Variants in ARMH3 observed in about 807,000 individuals in gnomAD.
ARMH3 encodes armadillo like helical domain containing 3.
Under a neutral mutation model 99.1 loss-of-function variants are expected in ARMH3, and 60 were observed. The ratio of observed to expected loss-of-function variants is 0.61; its 90% CI spans 0.49 to 0.75. The LOEUF (loss-of-function observed/expected upper bound fraction) is 0.75, where lower values mean the gene tolerates loss of function less well. Among genes scored for constraint, ARMH3 ranks in the 30% least tolerant of loss-of-function variants. The probability of loss-of-function intolerance (pLI) is 0.00; values close to 1 mark genes in which losing one functional copy is unlikely to be tolerated. For missense variants in ARMH3, 679 were observed against 843.1 expected (o/e 0.81, Z 2.41); for synonymous variants, 285 against 292.8 (o/e 0.97, Z 0.27).
At chr10:101,906,127 A>C (rs2068096849) in intron 23 of ARMH3, among the ~76,000 whole-genome samples, 1 of 152,234 alleles carries the variant, frequency 6.6e-6, no homozygotes, top group South Asian at 2.1e-4. Flanking sequence ...TTCATTGTAT[A>C]AATATACCAC....
At chr10:101,848,176 C>T (rs2135245497) in intron 25 of ARMH3, among the ~76,000 whole-genome samples, 1 of 152,298 alleles carries the variant, frequency 6.6e-6, no homozygotes, top group South Asian at 2.1e-4. Flanking sequence ...GGTGACATTG[C>T]TAGTGAGTCC....
chr10:102,007,159 C>CAAAAAAAAAAAAAAAAAAAAAAAAAAAA (rs10639768), intron 13 of ARMH3, among the ~76,000 whole-genome samples: 1 of 60,054 alleles, frequency 1.7e-5, no homozygotes, highest in Admixed American at 2.5e-4. Flanking sequence ...GACTCTATCT[C>CAAAAAAAAAAAAAAAAAAAAAAAAAAAA]AAAAAAAAAA....
intron 23 of ARMH3, among the ~76,000 whole-genome samples, chr10:101,911,373 T>G (rs1198325307): frequency 2.0e-5 from 3 of 152,072 alleles, no homozygotes; most frequent in African/African-American, 7.2e-5. Context: ...GAGCAGGAAG[T>G]GTAGATGATA....
chr10:101,873,862 A>C (rs557723250), intron 24 of ARMH3, among the ~76,000 whole-genome samples: 10 of 152,282 alleles, frequency 6.6e-5, no homozygotes, highest in African/African-American at 2.2e-4. Flanking sequence ...TGAATGAATC[A>C]CACTTTGTTT....
intron 23 of ARMH3, among the ~76,000 whole-genome samples, chr10:101,912,501 C>G (rs1232101723): frequency 6.6e-6 from 1 of 151,758 alleles, no homozygotes; most frequent in East Asian, 1.9e-4. Flanking sequence ...GATACCATTT[C>G]TGATTGATTT....
At chr10:101,862,553 G>A (rs1033380448) in intron 24 of ARMH3, among the ~76,000 whole-genome samples, 1 of 151,996 alleles carries the variant, frequency 6.6e-6, no homozygotes, top group Non-Finnish European at 1.5e-5. Context: ...CTCCAGACCT[G>A]GCAACAGAGT....
Position 101,862,608 on chromosome 10 carries a change from T to C in ARMH3, c.1861-12716A>G, listed in dbSNP as rs114204232. ...TAAATAACATGAAGGTACACTGTGATAAGTTAAAGATGTATATTGTAAGCC... is the reference window on the plus strand; with the variant it reads ...TAAATAACATGAAGGTACACTGTGACAAGTTAAAGATGTATATTGTAAGCC... On this transcript the variant is annotated intron_variant, in intron 24 of 25. Coordinates refer to ENST00000370033, the MANE Select transcript of ARMH3 (RefSeq NM_024541.3). 4.9e-3 allele frequency among the ~76,000 whole-genome samples: 747 copies of C among 151,794 alleles called. 6 individuals carry two copies. Among genetic ancestry groups the C allele is most frequent in the African/African-American group, 0.017 (718 of 41,396 alleles).
intron 23 of ARMH3, among the ~76,000 whole-genome samples, chr10:101,920,168 A>G (rs989909618): frequency 6.6e-6 from 1 of 152,230 alleles, no homozygotes; most frequent in Non-Finnish European, 1.5e-5. Context: ...CCTAGTCAAG[A>G]GGACAACAGA....
chr10:101,976,049 G>A (rs1049090776), intron 19 of ARMH3, among the ~76,000 whole-genome samples: 14 of 148,990 alleles, frequency 9.4e-5, no homozygotes, highest in South Asian at 8.5e-4. Flanking sequence ...CCAGCTATTC[G>A]GGGAGGGCAG....
intron 20 of ARMH3, among the ~76,000 whole-genome samples, chr10:101,971,916 T>C (rs778589703): frequency 1.3e-5 from 2 of 152,206 alleles, no homozygotes; most frequent in Non-Finnish European, 2.9e-5. Context: ...TTTCAAACTT[T>C]CTATATGTGG....
chr10:102,004,884 A>G (rs1194690269), intron 14 of ARMH3, among the ~76,000 whole-genome samples: 2 of 152,138 alleles, frequency 1.3e-5, no homozygotes, highest in Non-Finnish European at 2.9e-5. Flanking sequence ...AGCCTGGCCA[A>G]TACAGTGAAA....
chr10:102,020,311 G>A (rs1243488517), intron 8 of ARMH3, among the ~76,000 whole-genome samples: 1 of 152,076 alleles, frequency 6.6e-6, no homozygotes, highest in African/African-American at 2.4e-5. Context: ...AAGGCAGGCA[G>A]ATCACTTGAG....
chr10:101,966,013 C>G (rs1845516367), intron 20 of ARMH3, among the ~76,000 whole-genome samples: 1 of 152,056 alleles, frequency 6.6e-6, no homozygotes, highest in East Asian at 1.9e-4. Context: ...GAAGCTGAGC[C>G]AGGACCAGGC....
intron 1 of ARMH3, among the ~76,000 whole-genome samples, chr10:102,050,615 T>C (rs952611307): frequency 1.3e-5 from 2 of 152,132 alleles, no homozygotes. Flanking sequence ...CCCAACACTC[T>C]TGGAGGCCGA....
chr10:101,944,736 C>G (rs1437948607), intron 22 of ARMH3, among the ~76,000 whole-genome samples: 2 of 151,984 alleles, frequency 1.3e-5, no homozygotes, highest in Admixed American at 1.3e-4. Flanking sequence ...ATCGCTTGAA[C>G]CCGGGAGACA....
chr10:101,904,308 C>A (rs948942555), intron 23 of ARMH3, among the ~76,000 whole-genome samples: 1 of 152,196 alleles, frequency 6.6e-6, no homozygotes, highest in African/African-American at 2.4e-5. Context: ...AACACCTACA[C>A]CAGTGGCATG....
chr10:101,883,423 A>C (rs2067464451), intron 24 of ARMH3, among the ~76,000 whole-genome samples: 1 of 151,920 alleles, frequency 6.6e-6, no homozygotes, highest in African/African-American at 2.4e-5. Flanking sequence ...CTCTAAAAAA[A>C]AATAATAAAA....
chr10:101,926,821 G>A (rs929961748), intron 23 of ARMH3, among the ~76,000 whole-genome samples: 1 of 152,184 alleles, frequency 6.6e-6, no homozygotes, highest in South Asian at 2.1e-4. Context: ...TAATAATTAG[G>A]GAGTAGCACA....
At chr10:101,927,451 A>G (rs187322673) in intron 23 of ARMH3, among the ~76,000 whole-genome samples, 2 of 152,140 alleles carry the variant, frequency 1.3e-5, no homozygotes, top group African/African-American at 4.8e-5. Context: ...TTCTTCTCCA[A>G]TGTTCTTGGC....
Sources: gnomAD v4.1 joint callset for allele counts (sites outside exome capture counted in the v4.1 genomes callset) on GRCh38, gnomAD v4.1.1 for gene constraint, MANE v1.5 for transcripts, NCBI Gene and HGNC (gene_info 2026-07-23, HGNC 2026-07-21) for gene names.